MND1: variants seen among roughly 807,000 people sequenced by gnomAD.
The protein encoded by MND1 is meiotic nuclear division protein 1 homolog.
Under a neutral mutation model 35.1 loss-of-function variants are expected in MND1, and 28 were observed. That is an observed-to-expected ratio of 0.80 (90% CI 0.59 to 1.09). The LOEUF is 1.09. Ranked by LOEUF, MND1 falls within the 50% of genes least tolerant of loss-of-function variation. The pLI is 0.00. For missense variants in MND1, 213 were observed against 239.6 expected (o/e 0.89, Z 0.73); for synonymous variants, 69 against 70.5 (o/e 0.98, Z 0.11).
chr4:153,387,340 A>G (rs1728897485), intron 4 of MND1, among the ~76,000 whole-genome samples: 1 of 152,032 alleles, frequency 6.6e-6, no homozygotes, highest in African/African-American at 2.4e-5. Context: ...ACATTTCTCT[A>G]TTGCTGAGAC....
At chr4:153,363,464 G>T (rs148903267) in intron 4 of MND1, among the ~76,000 whole-genome samples, 1 of 152,062 alleles carries the variant, frequency 6.6e-6, no homozygotes, top group South Asian at 2.1e-4. Context: ...CACCCGCCTC[G>T]GCCTCCCAAA....
intron 6 of MND1, among the ~76,000 whole-genome samples, chr4:153,400,054 A>G (rs938899953): frequency 5.9e-5 from 9 of 151,606 alleles, no homozygotes; most frequent in Non-Finnish European, 1.0e-4. Flanking sequence ...GGCACATGTC[A>G]CTACACCCAG....
intron 5 of MND1, among the ~76,000 whole-genome samples, chr4:153,394,555 A>G (rs1729147821): frequency 6.6e-6 from 1 of 152,194 alleles, no homozygotes; most frequent in South Asian, 2.1e-4. Context: ...CCCTAGAGCC[A>G]GACTGCCTGG....
At chr4:153,386,072 C>G (rs1445807993) in intron 4 of MND1, among the ~76,000 whole-genome samples, 1 of 152,118 alleles carries the variant, frequency 6.6e-6, no homozygotes, top group Non-Finnish European at 1.5e-5. Flanking sequence ...GCAGAGGAGG[C>G]TGTACATATG....
chr4:153,384,443 A>ATTTTGTTTTTTTTTTTTT (rs1728796160), intron 4 of MND1, among the ~76,000 whole-genome samples: 1 of 63,170 alleles, frequency 1.6e-5, no homozygotes, highest in Non-Finnish European at 3.0e-5. Flanking sequence ...CTAATGTTTA[A>ATTTTGTTTTTTTTTTTTT]TTTTTTTTTT....
chr4:153,356,095 C>T (rs62323751), intron 3 of MND1, among the ~76,000 whole-genome samples: 27,325 of 152,002 alleles, frequency 0.18, 2,575 homozygotes, highest in African/African-American at 0.22. Context: ...TCACTTCAGC[C>T]CAGCTAGGCA....
At chr4:153,361,259 CT>C (rs1773483644) in intron 4 of MND1, among the ~76,000 whole-genome samples, 1 of 152,206 alleles carries the variant, frequency 6.6e-6, no homozygotes, top group Non-Finnish European at 1.5e-5. Context: ...TTGAAAATGT[CT>C]AATTTATCAT....
chr4:153,396,341 C>T (rs954576905), intron 5 of MND1, among the ~76,000 whole-genome samples: 1 of 152,086 alleles, frequency 6.6e-6, no homozygotes, highest in Non-Finnish European at 1.5e-5. Context: ...ATATGAGTCT[C>T]TTGTACAAAT....
At chr4:153,404,215 C>CTCTG (rs1230121613) in intron 6 of MND1, among the ~76,000 whole-genome samples, 2 of 106,784 alleles carry the variant, frequency 1.9e-5, no homozygotes, top group African/African-American at 7.4e-5. Context: ...TGGAGTCTTG[C>CTCTG]TCTGTCACCA....
chr4:153,407,606 G>A (rs1029442450), intron 6 of MND1, among the ~76,000 whole-genome samples: 4 of 152,158 alleles, frequency 2.6e-5, no homozygotes, highest in Admixed American at 2.6e-4. Context: ...TTGAAAATAT[G>A]TCCACACAAA....
Position 153,356,725 on chromosome 4 carries a change from G to A in MND1, c.127+1014G>A, listed in dbSNP as rs147229714. 4.6e-5 allele frequency among the ~76,000 whole-genome samples: 7 copies of A among 151,514 alleles called. No individual in the cohort carries two copies. In the East Asian group the frequency reaches 9.7e-4, roughly 21 times the overall value. On this transcript the variant is annotated intron_variant, in intron 3 of 7. Transcript: ENST00000240488. ...AGTCATGTCTAATTGCTTTATTTTC[G>A]ATTTCTTCAGTTATTAATGGGGTTG...
intron 2 of MND1, among the ~76,000 whole-genome samples, chr4:153,354,435 C>T (rs764927511): frequency 3.9e-5 from 6 of 152,152 alleles, no homozygotes; most frequent in African/African-American, 7.2e-5. Flanking sequence ...AAAGGTAATT[C>T]GTTCCTGTTA....
At chr4:153,393,126 A>G (rs1729091704) in intron 4 of MND1, among the ~76,000 whole-genome samples, 1 of 152,116 alleles carries the variant, frequency 6.6e-6, no homozygotes, top group African/African-American at 2.4e-5. Flanking sequence ...CTCAAGAAAA[A>G]AAAAGAGAAA....
At chr4:153,401,478 C>T (rs1729346382) in intron 6 of MND1, among the ~76,000 whole-genome samples, 1 of 152,084 alleles carries the variant, frequency 6.6e-6, no homozygotes, top group Non-Finnish European at 1.5e-5. Context: ...TGCCAGTGAT[C>T]CCCTTATCAC....
intron 4 of MND1, among the ~76,000 whole-genome samples, chr4:153,390,925 G>GTGTGTGTGTGTATATA (rs1729012400): frequency 7.1e-6 from 1 of 141,162 alleles, no homozygotes; most frequent in African/African-American, 2.9e-5. Context: ...GTATATGTGT[G>GTGTGTGTGTGTATATA]TGTGTGTGTG....
At chr4:153,347,389 G>A (rs181508166) in intron 1 of MND1, among the ~76,000 whole-genome samples, 1 of 152,156 alleles carries the variant, frequency 6.6e-6, no homozygotes, top group Non-Finnish European at 1.5e-5. Flanking sequence ...AATTCACTAT[G>A]ATTAATTCAC....
chr4:153,355,699 G>A lies in MND1; in HGVS notation c.115G>A (p.Glu39Lys). The change falls in exon 3 of 8, where the codon GAG becomes AAG. Residue 39 changes from glutamate (E) to lysine (K), a missense_variant. Coordinates refer to ENST00000240488, the MANE Select transcript of MND1 (RefSeq NM_032117.4). ...LKDLEKIAPK[E>K]KGITAMSVKE... ...AGACTTGGAGAAGATTGCTCCCAAA[G>A]AGAAAGGCATTAGTAAGTACCAAAG... is the stretch of plus-strand genomic sequence containing the variant. The A allele has an allele frequency of 6.3e-7, 1 of 1,584,926 alleles. No homozygotes were observed. Among genetic ancestry groups the A allele is most frequent in the South Asian group, 1.1e-5 (1 of 89,666 alleles).
chr4:153,346,931 A>G (rs1276255291), intron 1 of MND1, among the ~76,000 whole-genome samples: 1 of 152,186 alleles, frequency 6.6e-6, no homozygotes. Context: ...CGCCCTTGAC[A>G]TGGCCTTCAG....
intron 3 of MND1, among the ~76,000 whole-genome samples, chr4:153,357,387 A>G (rs558334606): frequency 6.6e-6 from 1 of 152,314 alleles, no homozygotes; most frequent in African/African-American, 2.4e-5. Flanking sequence ...AGATTGGGAT[A>G]CCAATCCCCC....
Sources: allele counts gnomAD v4.1 joint callset (sites outside exome capture counted in the v4.1 genomes callset), GRCh38; gene constraint gnomAD v4.1.1; transcripts MANE v1.5; gene names NCBI Gene and HGNC (gene_info 2026-07-23, HGNC 2026-07-21).